The following LRGUK variants were observed in gnomAD, a reference collection of about 807,000 sequenced individuals.
The protein encoded by LRGUK is leucine rich repeats and guanylate kinase domain containing.
A neutral mutation model predicts 76.0 loss-of-function variants in LRGUK; 65 were observed. The observed-to-expected ratio is 0.85, with a 90% CI of 0.70 to 1.05. LRGUK has a LOEUF of 1.05. Ranked by LOEUF, LRGUK falls within the 50% of genes least tolerant of loss-of-function variation. LRGUK has a pLI of 0.00. For missense variants in LRGUK, 758 were observed against 732.8 expected (o/e 1.03, Z -0.40); for synonymous variants, 268 against 265.6 (o/e 1.01, Z -0.09).
chr7:134,178,926 CAAAAAAAA>C (rs950815389), intron 10 of LRGUK, among the ~76,000 whole-genome samples: 13 of 43,556 alleles, frequency 3.0e-4, no homozygotes, highest in Admixed American at 4.9e-4. Context: ...AGTGAAATCT[CAAAAAAAA>C]AAAAAAAAAA....
intron 15 of LRGUK, among the ~76,000 whole-genome samples, chr7:134,202,962 T>C (rs578042616): frequency 4.6e-5 from 7 of 152,054 alleles, no homozygotes; most frequent in Non-Finnish European, 7.4e-5. Context: ...CCCAGCACTT[T>C]GGGAGGCCGA....
intron 10 of LRGUK, among the ~76,000 whole-genome samples, chr7:134,178,934 A>AAAAAAAAAAAAAAAAAAAAAAAACC (rs376955591): frequency 1.3e-5 from 1 of 78,164 alleles, no homozygotes; most frequent in African/African-American, 5.3e-5. Context: ...CTCAAAAAAA[A>AAAAAAAAAAAAAAAAAAAAAAAACC]AAAAAAAAAA....
exon 17 of LRGUK, chr7:134,247,634 C>G (rs1300343865): frequency 6.2e-7 from 1 of 1,612,424 alleles, no homozygotes; most frequent in Admixed American, 1.7e-5. Flanking sequence ...TCACACACTC[C>G]TATTTCAAAG....
chr7:134,192,623 A>T (rs998118258), intron 12 of LRGUK, among the ~76,000 whole-genome samples: 11 of 152,168 alleles, frequency 7.2e-5, no homozygotes, highest in African/African-American at 2.7e-4. Context: ...CGCATGTTTT[A>T]TCTGTTGAAA....
At chr7:134,236,914 T>C (rs1303146176) in intron 16 of LRGUK, among the ~76,000 whole-genome samples, 1 of 152,202 alleles carries the variant, frequency 6.6e-6, no homozygotes, top group Non-Finnish European at 1.5e-5. Context: ...ATTAATATGC[T>C]GGGGATTGAA....
At chr7:134,166,863 C>A (rs544166625) in intron 7 of LRGUK, among the ~76,000 whole-genome samples, 1 of 152,328 alleles carries the variant, frequency 6.6e-6, no homozygotes, top group South Asian at 2.1e-4. Context: ...CCCCCCTCTT[C>A]ACTGAACCCT....
intron 14 of LRGUK, among the ~76,000 whole-genome samples, chr7:134,199,899 T>C (rs1384452530): frequency 1.4e-5 from 2 of 147,138 alleles, no homozygotes; most frequent in Admixed American, 1.4e-4. Context: ...CATGGGAGAA[T>C]TTATCAAAAT....
At chr7:134,150,289 A>C (rs955506844) in intron 5 of LRGUK, among the ~76,000 whole-genome samples, 8 of 150,372 alleles carry the variant, frequency 5.3e-5, no homozygotes, top group Non-Finnish European at 1.2e-4. Flanking sequence ...AAAACAAAAA[A>C]AACAAAAAAA....
At chr7:134,262,175 A>G (rs1336388967) in intron 19 of LRGUK, among the ~76,000 whole-genome samples, 1 of 151,926 alleles carries the variant, frequency 6.6e-6, no homozygotes, top group Non-Finnish European at 1.5e-5. Context: ...GGCATTCGAG[A>G]CCAGTCTGGC....
At chr7:134,268,963 C>T (rs377355033), downstream of LRGUK, among the ~76,000 whole-genome samples, 2 of 151,904 alleles carry the variant, frequency 1.3e-5, no homozygotes, top group African/African-American at 4.8e-5. Flanking sequence ...CATCTCTTGA[C>T]TTTGTGATCC....
exon 10 of LRGUK, chr7:134,178,532 C>G: frequency 6.2e-7 from 1 of 1,612,692 alleles, no homozygotes; most frequent in Non-Finnish European, 8.5e-7. Context: ...ATGATCCTCC[C>G]CCTGAAGTGG....
intron 15 of LRGUK, among the ~76,000 whole-genome samples, chr7:134,205,715 AACC>A (rs1464533124): frequency 8.3e-4 from 127 of 152,356 alleles, no homozygotes; most frequent in African/African-American, 2.8e-3. Context: ...TCTAACCAAT[AACC>A]ATTAACTTGA....
chr7:134,166,625 A>G (rs1798997896), intron 7 of LRGUK, among the ~76,000 whole-genome samples: 1 of 152,192 alleles, frequency 6.6e-6, no homozygotes, highest in Admixed American at 6.5e-5. Context: ...CTGAGTAATA[A>G]CAGTGCTCCT....
At position 134,159,346 on chromosome 7, in the gene LRGUK, AAAAAAAAAG is replaced by A. The variant is rs1401064505; in HGVS notation, c.795+1188_795+1196del. ...AGTAAGACCCTGCCTCAAAAAAAAA[AAAAAAAAAG>A]GAAAGAAATGACATCTTGGATTATC... On this transcript the variant is annotated intron_variant, in intron 6 of 15. Transcript: ENST00000645682. Among the ~76,000 whole-genome samples the A allele has an allele frequency of 2.6e-5, 4 of 152,054 alleles. No individual in the cohort carries two copies. The East Asian group carries it at 7.7e-4, about 29-fold the overall frequency.
chr7:134,204,156 G>C (rs918149908), intron 15 of LRGUK, among the ~76,000 whole-genome samples: 2 of 152,154 alleles, frequency 1.3e-5, no homozygotes, highest in Non-Finnish European at 1.5e-5. Context: ...CCACTGACTG[G>C]GGGGGCTTGA....
At chr7:134,189,853 C>T (rs925444621) in intron 11 of LRGUK, among the ~76,000 whole-genome samples, 10 of 152,116 alleles carry the variant, frequency 6.6e-5, no homozygotes, top group African/African-American at 2.4e-4. Context: ...TACTCTCTTT[C>T]CTGAGTATAT....
chr7:134,197,017 A>G, exon 13 of LRGUK: 1 of 1,603,056 alleles, frequency 6.2e-7, no homozygotes, highest in Non-Finnish European at 8.5e-7. Flanking sequence ...ACATTTAGTT[A>G]TGGTAATCAC....
chr7:134,148,230 C>T lies in LRGUK; in HGVS notation c.589-8C>T. 1 of 1,579,638 alleles carries T rather than the reference C, an allele frequency of 6.3e-7. No homozygotes were observed. The highest frequency in any genetic ancestry group is 1.1e-5 in the South Asian group (1 of 87,908). ...TAATATAACATCTTGTTCTCTTTCT[C>T]TTGCCAGAAGGCGGATTTTTCCCAC... On this transcript the variant is annotated splice_polypyrimidine_tract_variant and splice_region_variant and intron_variant, in intron 4 of 15. Coordinates refer to ENST00000645682, the Ensembl canonical transcript of LRGUK.
intron 16 of LRGUK, among the ~76,000 whole-genome samples, chr7:134,230,217 A>G (rs950872015): frequency 6.6e-6 from 1 of 152,198 alleles, no homozygotes; most frequent in Non-Finnish European, 1.5e-5. Context: ...AAATCCCTTC[A>G]CAAAATAATA....
Sources: allele counts gnomAD v4.1 joint callset (sites outside exome capture counted in the v4.1 genomes callset), GRCh38; gene constraint gnomAD v4.1.1; transcripts MANE v1.5; gene names NCBI Gene and HGNC (gene_info 2026-07-23, HGNC 2026-07-21).